The following WDR41 variants were observed in gnomAD, a reference collection of about 807,000 sequenced individuals.
WDR41 encodes the protein WD repeat domain 41, also known as WD repeat-containing protein 41.
Under a neutral mutation model 69.3 loss-of-function variants are expected in WDR41, and 63 were observed. The observed-to-expected ratio is 0.91, with a 90% CI of 0.74 to 1.12. The LOEUF is 1.12. Among genes scored for constraint, WDR41 ranks in the 50% most tolerant of loss-of-function variants. The probability of loss-of-function intolerance (pLI) is 0.00; values close to 1 mark genes in which losing one functional copy is unlikely to be tolerated. For synonymous variants in WDR41, 185 were observed against 192.1 expected, an observed-to-expected ratio of 0.96 and a Z score of 0.31; for missense variants, 543 against 534.5, an observed-to-expected ratio of 1.02 and a Z score of -0.16.
At position 77,543,443 on chromosome 5, in the gene WDR41, T is replaced by G. The variant is rs576295569; in HGVS notation, c.43-53871A>C. Among the ~76,000 whole-genome samples, 8 of 151,536 alleles carry G rather than the reference T, an allele frequency of 5.3e-5. No homozygotes were observed. The South Asian group carries it at 1.5e-3, about 28-fold the overall frequency. On this transcript the variant is annotated intron_variant, in intron 1 of 5. Transcript: ENST00000509971. ...AGGGAGAAATATTCAAGGAAATAGA[T>G]AGCATAAATAAAAAAACAATCAAAA...
chr5:77,498,435 G>A (rs1349574680), intron 1 of WDR41, among the ~76,000 whole-genome samples: 1 of 152,042 alleles, frequency 6.6e-6, no homozygotes, highest in African/African-American at 2.4e-5. Flanking sequence ...CCAAATAAAT[G>A]TACTTCAATT....
intron 1 of WDR41, among the ~76,000 whole-genome samples, chr5:77,586,545 A>G (rs910124968): frequency 9.2e-5 from 14 of 152,084 alleles, no homozygotes; most frequent in African/African-American, 3.4e-4. Flanking sequence ...GACCCAAGCA[A>G]TCTGCCTACC....
chr5:77,566,129 T>C lies in WDR41; in HGVS notation c.42+54350A>G, dbSNP rs947962482. On this transcript the variant is annotated intron_variant, in intron 1 of 5. Transcript: ENST00000509971. ...TCAGTTCTTCCTCTTGTGAGCTTAA[T>C]ACCATTCATAAGAGGAAGCATTGAA... Among the ~76,000 whole-genome samples the C allele has an allele frequency of 5.5e-4, 84 of 152,238 alleles. 1 individual carries two copies. Among genetic ancestry groups the C allele is most frequent in the Admixed American group, 4.6e-3 (70 of 15,288 alleles).
chr5:77,541,487 CTTT>C (rs11335010), intron 1 of WDR41, among the ~76,000 whole-genome samples: 15 of 97,814 alleles, frequency 1.5e-4, no homozygotes, highest in African/African-American at 3.3e-4. Context: ...AAAAGGAATT[CTTT>C]TTTTTTTTTT....
At chr5:77,481,115 A>T (rs1009921883) in intron 2 of WDR41, among the ~76,000 whole-genome samples, 2 of 151,652 alleles carry the variant, frequency 1.3e-5, no homozygotes, top group East Asian at 3.9e-4. Flanking sequence ...TCTGCCTCTC[A>T]GGTTCTAACG....
In WDR41 at chr5:77,532,901, T is replaced by C. The variant is rs573900352; in HGVS notation, c.43-43329A>G. On this transcript the variant is annotated intron_variant, in intron 1 of 5. Transcript: ENST00000509971. ...ATGATTGGGAAACGGGCCTTTCATG[T>C]GGGGGATGCTAGCAATGTTCTATTT... Among the ~76,000 whole-genome samples, 9 of 152,160 alleles carry C rather than the reference T, an allele frequency of 5.9e-5. No homozygotes were observed. The East Asian group carries it at 1.5e-3, about 26-fold the overall frequency.
At chr5:77,572,774 T>C (rs1743754794) in intron 1 of WDR41, among the ~76,000 whole-genome samples, 1 of 152,234 alleles carries the variant, frequency 6.6e-6, no homozygotes, top group East Asian at 1.9e-4. Context: ...TTCAAGCTAG[T>C]TGTTTGGCAT....
chr5:77,509,189 A>G (rs571360855), intron 1 of WDR41, among the ~76,000 whole-genome samples: 17 of 152,264 alleles, frequency 1.1e-4, no homozygotes, highest in African/African-American at 4.1e-4. Flanking sequence ...GTTTAATTTT[A>G]TTGCTGGAGA....
intron 1 of WDR41, among the ~76,000 whole-genome samples, chr5:77,612,581 C>A (rs1392576033): frequency 6.6e-6 from 1 of 152,146 alleles, no homozygotes; most frequent in Non-Finnish European, 1.5e-5. Context: ...AGGCCTTTGA[C>A]AAAATTCAAC....
Position 77,555,764 on chromosome 5 carries a change from C to G in WDR41, c.42+64715G>C, listed in dbSNP as rs193273164. On this transcript the variant is annotated intron_variant, in intron 1 of 5. Coordinates refer to the WDR41 transcript ENST00000509971. ...AAGACTAAATAAATGAAGTATAAAT[C>G]TTATCCTCATGGATTGGAAGACAAA... Among the ~76,000 whole-genome samples, 9 of 152,256 alleles carry G rather than the reference C, an allele frequency of 5.9e-5. No homozygotes were observed. The East Asian group carries it at 1.7e-3, about 29-fold the overall frequency.
chr5:77,549,245 G>A (rs1191966320), intron 1 of WDR41, among the ~76,000 whole-genome samples: 1 of 152,104 alleles, frequency 6.6e-6, no homozygotes, highest in African/African-American at 2.4e-5. Flanking sequence ...GCTTACTCAT[G>A]TAACAAATAT....
intron 5 of WDR41, 115 bp downstream of exon 5, chr5:77,458,947 G>GTAGTCATTTATA: frequency 1.4e-6 from 1 of 692,788 alleles, no homozygotes; most frequent in Non-Finnish European, 2.5e-6. Flanking sequence ...CTACAAGTGT[G>GTAGTCATTTATA]TGGAAAGAAA....
intron 1 of WDR41, among the ~76,000 whole-genome samples, chr5:77,585,513 T>C (rs1237272310): frequency 2.6e-5 from 4 of 152,166 alleles, no homozygotes; most frequent in African/African-American, 9.7e-5. Context: ...TCTAAGACGA[T>C]ACTTGCACAT....
At position 77,492,236 on chromosome 5, in the gene WDR41, G is replaced by T. The variant is rs768191160; in HGVS notation, c.-16C>A. 7 of 1,612,170 alleles carry T rather than the reference G, an allele frequency of 4.3e-6. No homozygotes were observed. The East Asian group carries it at 1.3e-4, about 31-fold the overall frequency. On this transcript the variant is annotated 5_prime_UTR_variant, in exon 1 of 13. Coordinates refer to ENST00000296679, the MANE Select transcript of WDR41 (RefSeq NM_018268.4). ...ATCGCAACATCCGGGCAGCGGCGGC[G>T]TCTTGCCCGGTCCAGCCCCAGTCAG...
intron 1 of WDR41, among the ~76,000 whole-genome samples, chr5:77,614,782 A>C (rs896673420): frequency 6.6e-6 from 1 of 151,394 alleles, no homozygotes; most frequent in African/African-American, 2.4e-5. Context: ...CATGTACCCT[A>C]AAACTTAAAG....
intron 8 of WDR41, among the ~76,000 whole-genome samples, chr5:77,443,876 C>CTTTTTTTTTTTTTTTTTTTTTTTTTT (rs746105630): frequency 9.5e-6 from 1 of 105,006 alleles, no homozygotes; most frequent in Non-Finnish European, 1.9e-5. Flanking sequence ...TCAATCAGCA[C>CTTTTTTTTTTTTTTTTTTTTTTTTTT]TTTTTTTTTT....
intron 1 of WDR41, among the ~76,000 whole-genome samples, chr5:77,556,044 G>C (rs1034440322): frequency 7.1e-6 from 1 of 140,294 alleles, no homozygotes; most frequent in Admixed American, 7.1e-5. Context: ...AGAGAACCCA[G>C]AACCCAGAAA....
chr5:77,476,854 C>T (rs1581746188), intron 2 of WDR41, among the ~76,000 whole-genome samples: 1 of 144,814 alleles, frequency 6.9e-6, no homozygotes, highest in African/African-American at 2.7e-5. Flanking sequence ...GGACTAAATG[C>T]TCCAATTAAA....
intron 2 of WDR41, among the ~76,000 whole-genome samples, chr5:77,467,327 T>C (rs1800350197): frequency 6.6e-6 from 1 of 151,940 alleles, no homozygotes; most frequent in East Asian, 1.9e-4. Flanking sequence ...TAGCAAAAAA[T>C]GTATTCAGTG....
Sources: allele counts gnomAD v4.1 joint callset (sites outside exome capture counted in the v4.1 genomes callset), GRCh38; gene constraint gnomAD v4.1.1; transcripts MANE v1.5; gene names NCBI Gene and HGNC (gene_info 2026-07-23, HGNC 2026-07-21).